Variants in CDH12 observed in about 807,000 individuals in gnomAD.
The protein encoded by CDH12 is cadherin 12, also known as cadherin-12.
CDH12 carries 41 observed loss-of-function variants against 74.1 expected under a neutral mutation model. The ratio of observed to expected loss-of-function variants is 0.55; its 90% CI spans 0.43 to 0.72. CDH12 has a LOEUF of 0.72. CDH12 is among the 30% of genes least tolerant of loss of function. The pLI is 0.00. For synonymous variants in CDH12, 399 were observed against 355.0 expected (o/e 1.12, Z -1.39); for missense variants, 945 against 977.2 (o/e 0.97, Z 0.44).
chr5:22,031,412 T>C (rs1738817006), intron 5 of CDH12, among the ~76,000 whole-genome samples: 1 of 152,184 alleles, frequency 6.6e-6, no homozygotes, highest in African/African-American at 2.4e-5. Context: ...ACTAAAACTT[T>C]TGCCATATCA....
At chr5:22,828,624 G>C (rs1743417371) in intron 1 of CDH12, among the ~76,000 whole-genome samples, 1 of 152,168 alleles carries the variant, frequency 6.6e-6, no homozygotes, top group Non-Finnish European at 1.5e-5. Context: ...AATATTTATA[G>C]TGATCATTAA....
At chr5:22,579,728 A>G (rs905898377) in intron 1 of CDH12, among the ~76,000 whole-genome samples, 2 of 152,224 alleles carry the variant, frequency 1.3e-5, no homozygotes, top group African/African-American at 4.8e-5. Flanking sequence ...AATTATTTAC[A>G]AAAATCATTT....
At chr5:22,163,536 C>A (rs1002345214) in intron 4 of CDH12, among the ~76,000 whole-genome samples, 3 of 152,146 alleles carry the variant, frequency 2.0e-5, no homozygotes, top group Non-Finnish European at 4.4e-5. Context: ...TTAAGTTGTT[C>A]TTGATTTTCT....
intron 1 of CDH12, among the ~76,000 whole-genome samples, chr5:22,581,814 C>A (rs986482401): frequency 6.6e-6 from 1 of 152,092 alleles, no homozygotes; most frequent in East Asian, 1.9e-4. Flanking sequence ...TCTTAAGTTT[C>A]TTTGCTTTGC....
intron 6 of CDH12, 30 bp from the exon 7 acceptor site, chr5:21,854,820 T>C: frequency 6.3e-7 from 1 of 1,593,708 alleles, no homozygotes; most frequent in Non-Finnish European, 8.5e-7. Context: ...CACTCTAGCA[T>C]TTTTGTTTTA....
intron 1 of CDH12, among the ~76,000 whole-genome samples, chr5:22,578,314 C>T (rs561540099): frequency 4.0e-5 from 6 of 150,930 alleles, no homozygotes; most frequent in South Asian, 2.1e-4. Flanking sequence ...TATAAAATTG[C>T]GTCTAAATCT....
At chr5:22,824,463 G>A (rs1749901833) in intron 1 of CDH12, among the ~76,000 whole-genome samples, 1 of 152,106 alleles carries the variant, frequency 6.6e-6, no homozygotes, top group African/African-American at 2.4e-5. Flanking sequence ...TTTTATAAAT[G>A]TAAATAACAT....
intron 6 of CDH12, among the ~76,000 whole-genome samples, chr5:21,859,177 T>C (rs1480720119): frequency 6.6e-6 from 1 of 151,920 alleles, no homozygotes; most frequent in Non-Finnish European, 1.5e-5. Flanking sequence ...CATACTGCTA[T>C]GAAGAAATAC....
chr5:22,127,113 C>G (rs1305036740), intron 4 of CDH12, among the ~76,000 whole-genome samples: 1 of 151,900 alleles, frequency 6.6e-6, no homozygotes, highest in Non-Finnish European at 1.5e-5. Context: ...TTAAGTCTAT[C>G]AAAAACAACT....
At chr5:22,589,591 C>A (rs1219542256) in intron 1 of CDH12, among the ~76,000 whole-genome samples, 2 of 152,166 alleles carry the variant, frequency 1.3e-5, no homozygotes, top group Non-Finnish European at 2.9e-5. Context: ...ACTCCTTAGC[C>A]TTCTTTTAAT....
At chr5:22,565,179 C>T (rs940397427) in intron 1 of CDH12, among the ~76,000 whole-genome samples, 2 of 152,170 alleles carry the variant, frequency 1.3e-5, no homozygotes, top group African/African-American at 4.8e-5. Context: ...TGTGATCCAC[C>T]TGCCCCTGCC....
At chr5:22,283,251 T>TATACAC (rs1282673054) in intron 3 of CDH12, among the ~76,000 whole-genome samples, 4 of 102,060 alleles carry the variant, frequency 3.9e-5, no homozygotes, top group African/African-American at 1.6e-4. Context: ...TATATATATA[T>TATACAC]ACACACACAC....
chr5:21,780,427 AC>A (rs1459816677), intron 11 of CDH12, among the ~76,000 whole-genome samples: 4 of 152,116 alleles, frequency 2.6e-5, no homozygotes, highest in Admixed American at 2.6e-4. Flanking sequence ...TGCTTTGATA[AC>A]CCAAGGAGCC....
intron 5 of CDH12, among the ~76,000 whole-genome samples, chr5:21,984,148 T>C (rs958481012): frequency 1.3e-5 from 2 of 152,110 alleles, no homozygotes; most frequent in Non-Finnish European, 2.9e-5. Context: ...TTTGAGTTTT[T>C]GAGTTGTATT....
chr5:22,401,986 C>T (rs748522547), intron 3 of CDH12, among the ~76,000 whole-genome samples: 32 of 152,244 alleles, frequency 2.1e-4, no homozygotes, highest in South Asian at 4.1e-4. Flanking sequence ...GGAACCAGTC[C>T]GGCTAACACT....
chr5:22,521,041 T>A (rs1737034876), intron 1 of CDH12, among the ~76,000 whole-genome samples: 1 of 151,682 alleles, frequency 6.6e-6, no homozygotes, highest in African/African-American at 2.4e-5. Context: ...GCATCCTGTA[T>A]CATGGCAGGA....
At chr5:22,828,510 G>A (rs1736441202) in intron 1 of CDH12, among the ~76,000 whole-genome samples, 1 of 152,144 alleles carries the variant, frequency 6.6e-6, no homozygotes, top group Non-Finnish European at 1.5e-5. Context: ...AGTAGGAAGG[G>A]ATAGTTAACA....
At chr5:22,739,198 G>C (rs925646449) in intron 1 of CDH12, among the ~76,000 whole-genome samples, 2 of 151,822 alleles carry the variant, frequency 1.3e-5, no homozygotes, top group South Asian at 2.1e-4. Context: ...TTTCATAAAA[G>C]ACATACATTC....
At chr5:22,188,756 T>A (rs138971414) in intron 4 of CDH12, among the ~76,000 whole-genome samples, 2 of 152,194 alleles carry the variant, frequency 1.3e-5, no homozygotes, top group African/African-American at 4.8e-5. Flanking sequence ...AGAAGCAAGA[T>A]TGGCAAGCAT....
Sources: allele counts gnomAD v4.1 joint callset (sites outside exome capture counted in the v4.1 genomes callset), GRCh38; gene constraint gnomAD v4.1.1; transcripts MANE v1.5; gene names NCBI Gene and HGNC (gene_info 2026-07-23, HGNC 2026-07-21).